GGCT: variants seen among roughly 807,000 people sequenced by gnomAD.
GGCT encodes the protein gamma-glutamylcyclotransferase, also known as cytochrome c-releasing factor 21.
Under a neutral mutation model 22.1 loss-of-function variants are expected in GGCT, and 20 were observed. The ratio of observed to expected loss-of-function variants is 0.91; its 90% CI spans 0.64 to 1.32. The LOEUF (loss-of-function observed/expected upper bound fraction) is 1.32. Ranked by LOEUF, GGCT falls within the 40% of genes most tolerant of loss-of-function variation. GGCT has a pLI of 0.00. For missense variants in GGCT, 209 were observed against 223.5 expected, an observed-to-expected ratio of 0.94 and a Z score of 0.41; for synonymous variants, 72 against 78.4, an observed-to-expected ratio of 0.92 and a Z score of 0.43.
intron 2 of GGCT, 55 bp from the exon 3 acceptor site, chr7:30,498,993 C>A (rs1431594616): frequency 3.9e-6 from 6 of 1,544,562 alleles, no homozygotes; most frequent in Non-Finnish European, 5.4e-6. Context: ...ATTTAGCTCA[C>A]TGGGTAAGGT....
intron 2 of GGCT, 68 bp downstream of exon 2, chr7:30,500,468 A>C: frequency 7.9e-7 from 1 of 1,259,976 alleles, no homozygotes; most frequent in East Asian, 2.3e-5. Flanking sequence ...ACACACAGGT[A>C]CACATCCTCA....
intron 1 of GGCT, among the ~76,000 whole-genome samples, chr7:30,504,068 A>G (rs1384506426): frequency 6.6e-6 from 1 of 152,182 alleles, no homozygotes; most frequent in Non-Finnish European, 1.5e-5. Context: ...GTTATAGTTC[A>G]TGCAGCCCCT....
chr7:30,500,819 G>A (rs1789683816), intron 1 of GGCT, 138 bp from the exon 2 acceptor site: 4 of 605,348 alleles, frequency 6.6e-6, no homozygotes, highest in Non-Finnish European at 1.1e-5. Flanking sequence ...ATAAGAAGCT[G>A]TGGAAAATAT....
In GGCT at chr7:30,497,247, T is replaced by G. The variant is rs1337341202; in HGVS notation, c.424-12A>C. 2 of 1,590,706 alleles carry G rather than the reference T, an allele frequency of 1.3e-6. No individual in the cohort carries two copies. Among genetic ancestry groups the G allele is most frequent in the South Asian group, 2.3e-5 (2 of 86,946 alleles). On this transcript the variant is annotated splice_polypyrimidine_tract_variant and intron_variant, in intron 3 of 3. Transcript: ENST00000275428. ...CCCATGCAAATAATCTGGAAATGGTTAAAACAAACAGACAAAAAAACCCTT... is the reference window on the plus strand; with the variant it reads ...CCCATGCAAATAATCTGGAAATGGTGAAAACAAACAGACAAAAAAACCCTT...
chr7:30,499,660 C>T (rs904129861), intron 2 of GGCT, among the ~76,000 whole-genome samples: 5 of 151,364 alleles, frequency 3.3e-5, no homozygotes, highest in Admixed American at 1.3e-4. Flanking sequence ...TGGGGTGAGC[C>T]GAGATCACGC....
intron 3 of GGCT, chr7:30,497,953 G>T: frequency 1.1e-6 from 1 of 906,962 alleles, no homozygotes; most frequent in Non-Finnish European, 1.5e-6. Flanking sequence ...CTATAAAAAT[G>T]AATCTTGGTA....
chr7:30,499,411 A>G (rs75391571), intron 2 of GGCT, among the ~76,000 whole-genome samples: 1 of 142,810 alleles, frequency 7.0e-6, no homozygotes, highest in Non-Finnish European at 1.5e-5. Flanking sequence ...TCTCAAAAAG[A>G]AAAAAAAAAA....
chr7:30,504,471 G>C, intron 1 of GGCT, 98 bp downstream of exon 1: 1 of 1,396,054 alleles, frequency 7.2e-7, no homozygotes. Flanking sequence ...TCATCAAGAA[G>C]AACTGCATTC....
chr7:30,500,999 A>G (rs1358541677), intron 1 of GGCT, among the ~76,000 whole-genome samples: 1 of 152,210 alleles, frequency 6.6e-6, no homozygotes, highest in East Asian at 1.9e-4. Context: ...CATTTTTGCA[A>G]ATTACTTCCC....
chr7:30,504,390 G>C (rs1449968192), intron 1 of GGCT, among the ~76,000 whole-genome samples, 179 bp downstream of exon 1: 2 of 152,252 alleles, frequency 1.3e-5, no homozygotes. Context: ...CGTGGCCCGG[G>C]CAGGGCCGGG....
At chr7:30,497,352 A>ACTC in intron 3 of GGCT, 117 bp from the exon 4 acceptor site, 1 of 649,894 alleles carries the variant, frequency 1.5e-6, no homozygotes, top group South Asian at 2.2e-5. Flanking sequence ...CTTTCAGATA[A>ACTC]CTCTAGAATA....
In GGCT at chr7:30,504,734, G is replaced by A; in HGVS notation, c.-25C>T. ...TATCCCACTACGCCCCTGCACTGGA[G>A]CCTGAAGCAGAGTGTAAGGAACGGC... On this transcript the variant is annotated 5_prime_UTR_variant, in exon 1 of 4. Coordinates refer to ENST00000275428, the MANE Select transcript of GGCT (RefSeq NM_024051.4). 1 of 1,612,734 alleles carries A rather than the reference G, an allele frequency of 6.2e-7. No homozygotes were observed. Among genetic ancestry groups the A allele is most frequent in the African/African-American group, 1.3e-5 (1 of 75,020 alleles).
At chr7:30,499,114 G>T in intron 2 of GGCT, 176 bp from the exon 3 acceptor site, 1 of 680,792 alleles carries the variant, frequency 1.5e-6, no homozygotes, top group South Asian at 1.6e-5. Context: ...CACATCAAAA[G>T]TAAGCTTAGC....
In GGCT at chr7:30,504,829, G is replaced by A. The variant is rs1223969792; in HGVS notation, c.-120C>T. On this transcript the variant is annotated 5_prime_UTR_variant, in exon 1 of 4. Transcript: ENST00000275428. ...CCGCGCGGCAGCCTCAGGGTTAGGGGACTGGCGGGAAGCGTGGGCCGGTCG... is the reference window on the plus strand; with the variant it reads ...CCGCGCGGCAGCCTCAGGGTTAGGGAACTGGCGGGAAGCGTGGGCCGGTCG... 2.0e-6 allele frequency: 2 copies of A among 1,013,174 alleles called. No individual in the cohort carries two copies. Among genetic ancestry groups the A allele is most frequent in the Non-Finnish European group, 3.0e-6 (2 of 666,868 alleles). 62.8% of individuals were successfully genotyped at this position (1,013,174 alleles called of 1,614,324 possible).
chr7:30,503,664 G>A (rs1189208201), intron 1 of GGCT, among the ~76,000 whole-genome samples: 1 of 151,972 alleles, frequency 6.6e-6, no homozygotes, highest in Non-Finnish European at 1.5e-5. Flanking sequence ...GTTCTGTTGT[G>A]TGATGCCCAC....
chr7:30,499,035 T>C (rs38409), intron 2 of GGCT, 97 bp from the exon 3 acceptor site: 765,845 of 1,020,646 alleles, frequency 0.75, 290,307 homozygotes, highest in Non-Finnish European at 0.78. Context: ...GTGTATGGGA[T>C]TAAACATTTA....
intron 1 of GGCT, among the ~76,000 whole-genome samples, chr7:30,501,141 G>C (rs1789692104): frequency 6.6e-6 from 1 of 152,098 alleles, no homozygotes; most frequent in African/African-American, 2.4e-5. Context: ...TTTGCCCTGA[G>C]GGACCTGGCA....
chr7:30,502,528 T>G (rs908784379), intron 1 of GGCT, among the ~76,000 whole-genome samples: 6 of 152,226 alleles, frequency 3.9e-5, no homozygotes, highest in African/African-American at 1.2e-4. Context: ...TTAATAAATG[T>G]TTGCTAATAT....
intron 3 of GGCT, 29 bp from the exon 4 acceptor site, chr7:30,497,264 A>G: frequency 1.9e-6 from 3 of 1,564,450 alleles, no homozygotes; most frequent in Non-Finnish European, 1.7e-6. Context: ...AACAGACAAA[A>G]AAACCCTTTC....
Sources: allele counts gnomAD v4.1 joint callset (sites outside exome capture counted in the v4.1 genomes callset), GRCh38; gene constraint gnomAD v4.1.1; transcripts MANE v1.5; gene names NCBI Gene and HGNC (gene_info 2026-07-23, HGNC 2026-07-21).